Variants in CNOT4 observed in about 807,000 individuals in gnomAD.
CNOT4 encodes CCR4-NOT transcription complex subunit 4, also known as CCR4-associated factor 4.
A neutral mutation model predicts 73.8 loss-of-function variants in CNOT4; 8 were observed. That is an observed-to-expected ratio of 0.11 (90% CI 0.06 to 0.20). The LOEUF (loss-of-function observed/expected upper bound fraction) is 0.20. Among genes scored for constraint, CNOT4 ranks in the 10% least tolerant of loss-of-function variants. The pLI is 1.00. For missense variants in CNOT4, 564 were observed against 883.4 expected (o/e 0.64, Z 4.58); for synonymous variants, 293 against 321.1 (o/e 0.91, Z 0.94).
At chr7:135,456,198 A>C (rs1563061045) in intron 1 of CNOT4, among the ~76,000 whole-genome samples, 1 of 152,218 alleles carries the variant, frequency 6.6e-6, no homozygotes, top group Non-Finnish European at 1.5e-5. Flanking sequence ...ATCTACGGAC[A>C]TTGAAAACTG....
intron 1 of CNOT4, among the ~76,000 whole-genome samples, chr7:135,496,538 C>T (rs1286157689): frequency 1.3e-5 from 2 of 152,182 alleles, no homozygotes; most frequent in South Asian, 2.1e-4. Context: ...TCATTCTCCT[C>T]GAACTTCGTA....
chr7:135,388,058 C>T, intron 10 of CNOT4: 1 of 985,386 alleles, frequency 1.0e-6, no homozygotes, highest in Non-Finnish European at 1.2e-6. Flanking sequence ...TCAGATAAGT[C>T]AACTATAAAC....
chr7:135,374,713 G>C (rs1227926239), intron 10 of CNOT4, among the ~76,000 whole-genome samples: 1 of 152,206 alleles, frequency 6.6e-6, no homozygotes, highest in South Asian at 2.1e-4. Flanking sequence ...TAATCACATA[G>C]TTCTTTCATA....
At chr7:135,509,320 C>A (rs145023043) in intron 1 of CNOT4, among the ~76,000 whole-genome samples, 1 of 152,070 alleles carries the variant, frequency 6.6e-6, no homozygotes, top group African/African-American at 2.4e-5. Context: ...GTGGCAGATA[C>A]ACTGTGGGCT....
rs999845292 is a variant in CNOT4, at chr7:135,444,791, C to T, written c.-92-6368G>A. The T allele has an allele frequency of 1.1e-4, 180 of 1,596,064 alleles. 1 individual carries two copies. Among genetic ancestry groups the T allele is most frequent in the Non-Finnish European group, 1.5e-5 (18 of 1,165,348 alleles). On this transcript the variant is annotated intron_variant, in intron 1 of 11. Transcript: ENST00000541284. ...GGGGCCTTGGACAAGTTGTTACTGACTATGTTCATGGGGATGCCTCGCAGA... is the reference window on the plus strand; with the variant it reads ...GGGGCCTTGGACAAGTTGTTACTGATTATGTTCATGGGGATGCCTCGCAGA...
chr7:135,408,791 C>A (rs527344661), intron 7 of CNOT4, among the ~76,000 whole-genome samples: 3 of 152,098 alleles, frequency 2.0e-5, no homozygotes, highest in Non-Finnish European at 4.4e-5. Flanking sequence ...GGCAGTGGCC[C>A]CAACTGGGAA....
At chr7:135,378,302 G>A (rs1045424341) in intron 10 of CNOT4, among the ~76,000 whole-genome samples, 1 of 151,730 alleles carries the variant, frequency 6.6e-6, no homozygotes, top group Non-Finnish European at 1.5e-5. Flanking sequence ...TCAGGAGCTC[G>A]AGACCAGCCT....
intron 1 of CNOT4, among the ~76,000 whole-genome samples, chr7:135,489,109 G>A (rs1203526900): frequency 2.6e-5 from 4 of 151,914 alleles, no homozygotes. Flanking sequence ...AGAAGTTTTA[G>A]GGCCAAAGAG....
At chr7:135,477,996 ATATG>A (rs1802104292) in intron 1 of CNOT4, among the ~76,000 whole-genome samples, 2 of 152,170 alleles carry the variant, frequency 1.3e-5, no homozygotes, top group Admixed American at 6.5e-5. Flanking sequence ...ACATGCACAA[ATATG>A]TATTTATTAA....
At chr7:135,474,545 AG>A (rs1801870047) in intron 1 of CNOT4, among the ~76,000 whole-genome samples, 1 of 151,902 alleles carries the variant, frequency 6.6e-6, no homozygotes, top group Admixed American at 6.6e-5. Context: ...CCAAAGTGCT[AG>A]GATTACAGAC....
At chr7:135,417,728 T>C (rs1226792096) in intron 3 of CNOT4, among the ~76,000 whole-genome samples, 1 of 152,174 alleles carries the variant, frequency 6.6e-6, no homozygotes. Context: ...CTCCTTAGCG[T>C]GGTTAGAAAG....
intron 8 of CNOT4, among the ~76,000 whole-genome samples, chr7:135,396,319 G>A (rs558366607): frequency 2.1e-3 from 318 of 151,630 alleles, no homozygotes; most frequent in Non-Finnish European, 3.7e-3. Flanking sequence ...GGGTTTCACC[G>A]CATTATCCAG....
intron 10 of CNOT4, among the ~76,000 whole-genome samples, chr7:135,383,783 A>G (rs1585561629): frequency 6.6e-6 from 1 of 152,186 alleles, no homozygotes; most frequent in East Asian, 1.9e-4. Context: ...GTTCTTTGTC[A>G]TCATCAAAAT....
At chr7:135,487,603 T>C (rs1802814884) in intron 1 of CNOT4, among the ~76,000 whole-genome samples, 1 of 151,966 alleles carries the variant, frequency 6.6e-6, no homozygotes, top group Non-Finnish European at 1.5e-5. Context: ...ATAAAAGTAA[T>C]AGTTCTTCAG....
chr7:135,477,863 C>T (rs1054893304), intron 1 of CNOT4, among the ~76,000 whole-genome samples: 8 of 152,014 alleles, frequency 5.3e-5, no homozygotes, highest in African/African-American at 1.9e-4. Context: ...AGAGCTGAAC[C>T]ACTCAGACAC....
chr7:135,487,796 G>C (rs1802828085), intron 1 of CNOT4, among the ~76,000 whole-genome samples: 1 of 152,226 alleles, frequency 6.6e-6, no homozygotes, highest in Non-Finnish European at 1.5e-5. Flanking sequence ...GCTTACGCCT[G>C]TGGTCCCAGC....
At chr7:135,424,036 ACAAAACAC>A (rs1371899011) in intron 2 of CNOT4, among the ~76,000 whole-genome samples, 22 of 135,250 alleles carry the variant, frequency 1.6e-4, no homozygotes, top group Admixed American at 5.3e-4. Flanking sequence ...AAACAAACAA[ACAAAACAC>A]ACACACACAC....
intron 3 of CNOT4, among the ~76,000 whole-genome samples, chr7:135,415,677 C>T (rs2129484241): frequency 6.6e-6 from 1 of 152,214 alleles, no homozygotes; most frequent in African/African-American, 2.4e-5. Context: ...AAGGTAAAGA[C>T]AGAATTGAAA....
intron 3 of CNOT4, among the ~76,000 whole-genome samples, chr7:135,421,098 G>A (rs944295294): frequency 1.3e-5 from 2 of 151,918 alleles, no homozygotes; most frequent in Non-Finnish European, 2.9e-5. Flanking sequence ...ACTTTCGCGG[G>A]GTCAAAATCA....
Sources: allele counts gnomAD v4.1 joint callset (sites outside exome capture counted in the v4.1 genomes callset), GRCh38; gene constraint gnomAD v4.1.1; transcripts MANE v1.5; gene names NCBI Gene and HGNC (gene_info 2026-07-23, HGNC 2026-07-21).